EFHD1: variants seen among roughly 807,000 people sequenced by gnomAD.
EFHD1 encodes EF-hand domain-containing protein D1.
Under a neutral mutation model 17.2 loss-of-function variants are expected in EFHD1, and 10 were observed. The observed-to-expected ratio is 0.58, with a 90% confidence interval of 0.36 to 0.99. The LOEUF is 0.99. EFHD1 is among the 50% of genes least tolerant of loss of function. EFHD1 has a pLI of 0.01. For synonymous variants in EFHD1, 153 were observed against 142.0 expected, an observed-to-expected ratio of 1.08 and a Z score of -0.55; for missense variants, 310 against 327.5, an observed-to-expected ratio of 0.95 and a Z score of 0.41.
chr2:232,620,950 T>C, intron 1 of EFHD1, among the ~76,000 whole-genome samples: 1 of 151,690 alleles, frequency 6.6e-6, no homozygotes, highest in East Asian at 1.9e-4. Context: ...TGGGACAGGG[T>C]GAGGGAGTGT....
intron 1 of EFHD1, among the ~76,000 whole-genome samples, chr2:232,609,725 C>T (rs1489462966): frequency 6.6e-6 from 1 of 152,310 alleles, no homozygotes; most frequent in East Asian, 1.9e-4. Flanking sequence ...TCCCTTGATG[C>T]AAGACTCACC....
intron 3 of EFHD1, among the ~76,000 whole-genome samples, chr2:232,674,469 G>A (rs1400913246): frequency 6.6e-6 from 1 of 152,192 alleles, no homozygotes; most frequent in East Asian, 1.9e-4. Flanking sequence ...ATATGCCAAA[G>A]TATCAGTAAT....
At chr2:232,635,540 C>G (rs1694302940) in intron 1 of EFHD1, among the ~76,000 whole-genome samples, 1 of 152,142 alleles carries the variant, frequency 6.6e-6, no homozygotes, top group African/African-American at 2.4e-5. Flanking sequence ...AAAGGGGAGC[C>G]GGGCACAGTG....
intron 1 of EFHD1, among the ~76,000 whole-genome samples, chr2:232,641,235 T>G (rs1398415130): frequency 1.3e-5 from 2 of 151,636 alleles, no homozygotes; most frequent in African/African-American, 4.9e-5. Flanking sequence ...AGAGACGGGG[T>G]TTTGACATGT....
At chr2:232,677,243 T>TACACACACAC (rs569120803) in intron 3 of EFHD1, among the ~76,000 whole-genome samples, 41 of 99,382 alleles carry the variant, frequency 4.1e-4, no homozygotes, top group African/African-American at 1.6e-3. Context: ...CACACACACG[T>TACACACACAC]ACACACACAC....
At chr2:232,629,617 T>A (rs1694166714), upstream of EFHD1, among the ~76,000 whole-genome samples, 1 of 152,072 alleles carries the variant, frequency 6.6e-6, no homozygotes, top group South Asian at 2.1e-4. Flanking sequence ...TACAGGTGCG[T>A]GTCACCACGC....
At chr2:232,650,345 A>G in intron 1 of EFHD1, among the ~76,000 whole-genome samples, 1 of 135,018 alleles carries the variant, frequency 7.4e-6, no homozygotes. Flanking sequence ...TCCAGGCTGG[A>G]GTGCAGTGGT....
In EFHD1 at chr2:232,662,177, A is replaced by G. The variant is rs146257116; in HGVS notation, c.303-625A>G. Among the ~76,000 whole-genome samples the G allele has an allele frequency of 2.4e-3, 369 of 152,100 alleles. 5 individuals carry two copies. The highest frequency in any genetic ancestry group is 0.018 in the Admixed American group (280 of 15,258). ...TGGGGGCTGGGGGGCCAGTCAGCAGAGGGGTGGCCCTGTTAGAGGACAGAG... is the reference window on the plus strand; with the variant it reads ...TGGGGGCTGGGGGGCCAGTCAGCAGGGGGGTGGCCCTGTTAGAGGACAGAG... On this transcript the variant is annotated intron_variant, in intron 1 of 3. Transcript: ENST00000264059.
At chr2:232,632,700 G>A (rs936375426), upstream of EFHD1, among the ~76,000 whole-genome samples, 7 of 152,040 alleles carry the variant, frequency 4.6e-5, no homozygotes, top group African/African-American at 1.7e-4. Context: ...ACCATGGCTC[G>A]TTGCAGCCTC....
At chr2:232,614,121 C>T (rs557530389) in intron 1 of EFHD1, among the ~76,000 whole-genome samples, 1 of 151,746 alleles carries the variant, frequency 6.6e-6, no homozygotes, top group Non-Finnish European at 1.5e-5. Context: ...CACACATGCA[C>T]ATACATATGT....
chr2:232,634,088 T>C, intron 1 of EFHD1, 82 bp downstream of exon 1: 3 of 1,551,638 alleles, frequency 1.9e-6, no homozygotes, highest in Non-Finnish European at 2.6e-6. Context: ...CCGGGCCCTG[T>C]TTGTGTGGGG....
chr2:232,615,014 G>A (rs1174122829), intron 1 of EFHD1, among the ~76,000 whole-genome samples: 1 of 151,948 alleles, frequency 6.6e-6, no homozygotes, highest in Non-Finnish European at 1.5e-5. Flanking sequence ...ATTAAAGATG[G>A]GTCTCTCTTT....
intron 1 of EFHD1, among the ~76,000 whole-genome samples, chr2:232,657,736 C>G (rs952398824): frequency 6.7e-6 from 1 of 149,782 alleles, no homozygotes; most frequent in Non-Finnish European, 1.5e-5. Context: ...CACTTGAACC[C>G]GGGAGGTGGA....
Position 232,662,815 on chromosome 2 carries a change from C to A in EFHD1, c.316C>A (p.Arg106=). The change falls in exon 2 of 4, where the codon CGG becomes AGG. Residue 106 remains arginine (R), a synonymous_variant. Coordinates refer to ENST00000264059, the MANE Select transcript of EFHD1 (RefSeq NM_025202.4). ...ESMFKLYDAG[R]DGFIDLMELK... ...TTGACCCTGCAGGTATGACGCTGGG[C>A]GGGATGGCTTCATCGACCTGATGGA... is the stretch of plus-strand genomic sequence containing the variant. 6.3e-7 allele frequency: 1 copy of A among 1,579,788 alleles called. No individual in the cohort carries two copies. Among genetic ancestry groups the A allele is most frequent in the East Asian group, 2.4e-5 (1 of 40,938 alleles).
upstream of EFHD1, among the ~76,000 whole-genome samples, chr2:232,630,916 T>A (rs1240681973): frequency 1.3e-5 from 2 of 152,016 alleles, no homozygotes; most frequent in Non-Finnish European, 2.9e-5. Context: ...TTTCAGCATG[T>A]AAAAAATGGT....
At chr2:232,635,611 G>A (rs1248788063) in intron 1 of EFHD1, among the ~76,000 whole-genome samples, 2 of 152,148 alleles carry the variant, frequency 1.3e-5, no homozygotes, top group Non-Finnish European at 2.9e-5. Context: ...CTGGGGTCAG[G>A]AGTTCAAGAC....
chr2:232,638,489 G>T (rs549526726), intron 1 of EFHD1: 2 of 470,818 alleles, frequency 4.2e-6, no homozygotes, highest in Non-Finnish European at 8.8e-6. Context: ...AAAAAGGTGA[G>T]GCTGTCGTGG....
At chr2:232,680,329 C>T (rs1695254398) in intron 3 of EFHD1, among the ~76,000 whole-genome samples, 1 of 151,232 alleles carries the variant, frequency 6.6e-6, no homozygotes, top group African/African-American at 2.4e-5. Flanking sequence ...TTGAGACACA[C>T]ACTCACAGAA....
chr2:232,674,529 G>A (rs1156768878), intron 3 of EFHD1, among the ~76,000 whole-genome samples: 1 of 152,180 alleles, frequency 6.6e-6, no homozygotes, highest in Non-Finnish European at 1.5e-5. Context: ...TTTACAATGA[G>A]TGTGCATTAT....
Sources: allele counts gnomAD v4.1 joint callset (sites outside exome capture counted in the v4.1 genomes callset), GRCh38; gene constraint gnomAD v4.1.1; transcripts MANE v1.5; gene names NCBI Gene and HGNC (gene_info 2026-07-23, HGNC 2026-07-21).